Variants in DPP10 observed in about 807,000 individuals in gnomAD.
DPP10 encodes inactive dipeptidyl peptidase 10.
A neutral mutation model predicts 120.9 loss-of-function variants in DPP10; 33 were observed. The observed-to-expected ratio is 0.27, with a 90% confidence interval of 0.21 to 0.37. The LOEUF is 0.37. Among genes scored for constraint, DPP10 ranks in the 10% least tolerant of loss-of-function variants. The pLI, the probability that DPP10 is intolerant of heterozygous loss-of-function variation, is 1.00. For synonymous variants in DPP10, 337 were observed against 326.1 expected (o/e 1.03, Z -0.36); for missense variants, 816 against 942.8 (o/e 0.87, Z 1.76).
intron 1 of DPP10, among the ~76,000 whole-genome samples, chr2:114,732,813 A>G (rs1213385443): frequency 1.3e-5 from 2 of 152,166 alleles, no homozygotes. Context: ...TTTAATTTTT[A>G]TAATGATGCT....
chr2:115,602,229 G>A (rs1048420222), intron 5 of DPP10, among the ~76,000 whole-genome samples: 1 of 152,114 alleles, frequency 6.6e-6, no homozygotes, highest in Non-Finnish European at 1.5e-5. Context: ...TGTTTCCAGA[G>A]ATCAAAGAAC....
At chr2:114,466,761 TGGCAG>T (rs960500822) in intron 1 of DPP10, among the ~76,000 whole-genome samples, 3 of 152,136 alleles carry the variant, frequency 2.0e-5, no homozygotes, top group Non-Finnish European at 4.4e-5. Context: ...AAGTAACCCT[TGGCAG>T]GGCGCGATGG....
intron 1 of DPP10, among the ~76,000 whole-genome samples, chr2:114,477,859 ATGTATATATGTACATATATG>A (rs1198567665): frequency 9.4e-5 from 7 of 74,586 alleles, no homozygotes; most frequent in South Asian, 7.4e-4. Context: ...GTATAAATAT[ATGTATATATGTACATATATG>A]TGTATATATG....
rs549275175 is a variant in DPP10 at position 114,485,789 on chromosome 2, A to G, written c.60+42951A>G. Among the ~76,000 whole-genome samples, 13 of 152,024 alleles carry G rather than the reference A, an allele frequency of 8.6e-5. No homozygotes were observed. The East Asian group carries it at 2.3e-3, about 27-fold the overall frequency. On this transcript the variant is annotated intron_variant, in intron 1 of 25. Coordinates refer to ENST00000410059, the MANE Select transcript of DPP10 (RefSeq NM_020868.6). ...CTTGCATTACTAAACTCTCAATCCT[A>G]CGTGCCTGACCAAAGAGCTGATCAT...
intron 3 of DPP10, among the ~76,000 whole-genome samples, chr2:115,387,114 A>T (rs1191018947): frequency 6.6e-6 from 1 of 152,070 alleles, no homozygotes; most frequent in African/African-American, 2.4e-5. Context: ...TGTGGTGCTT[A>T]TGAACATTTT....
At chr2:114,502,590 A>G (rs988337356) in intron 1 of DPP10, among the ~76,000 whole-genome samples, 78 of 152,224 alleles carry the variant, frequency 5.1e-4, no homozygotes, top group African/African-American at 1.6e-3. Context: ...TAAGTAACCT[A>G]TGTTTTGAGC....
intron 1 of DPP10, among the ~76,000 whole-genome samples, chr2:114,494,644 G>A (rs190402469): frequency 6.6e-6 from 1 of 152,298 alleles, no homozygotes; most frequent in Non-Finnish European, 1.5e-5. Context: ...TCTGTAAAGA[G>A]ACAATGGGAC....
At chr2:115,271,027 T>C (rs1423048259) in intron 1 of DPP10, among the ~76,000 whole-genome samples, 1 of 152,222 alleles carries the variant, frequency 6.6e-6, no homozygotes, top group Admixed American at 6.5e-5. Flanking sequence ...TCAAAACTAG[T>C]TCAACCTACT....
chr2:114,614,264 A>T (rs1253255884), intron 1 of DPP10, among the ~76,000 whole-genome samples: 1 of 152,194 alleles, frequency 6.6e-6, no homozygotes, highest in Non-Finnish European at 1.5e-5. Context: ...TTATGCATCT[A>T]GGATAAACTT....
At chr2:115,812,605 T>C (rs76348991) in intron 19 of DPP10, among the ~76,000 whole-genome samples, 2,615 of 152,222 alleles carry the variant, frequency 0.017, 82 homozygotes, top group African/African-American at 0.059. Context: ...TTGCATAAAT[T>C]AAAATACATT....
At chr2:115,057,766 C>G (rs1289460990) in intron 1 of DPP10, among the ~76,000 whole-genome samples, 1 of 152,100 alleles carries the variant, frequency 6.6e-6, no homozygotes, top group Non-Finnish European at 1.5e-5. Context: ...AAATAAGAAT[C>G]ATAGAATTTA....
At chr2:114,974,609 A>G (rs1461413869) in intron 1 of DPP10, among the ~76,000 whole-genome samples, 3 of 151,778 alleles carry the variant, frequency 2.0e-5, no homozygotes, top group Admixed American at 6.6e-5. Flanking sequence ...GGGTTTCCCT[A>G]TGTTGGCCAG....
intron 7 of DPP10, 24 bp downstream of exon 7, chr2:115,689,945 C>T (rs2091220079): frequency 1.3e-6 from 2 of 1,594,788 alleles, no homozygotes; most frequent in Non-Finnish European, 8.5e-7. Context: ...TTGGTATGCA[C>T]TGAACACTGC....
At chr2:115,516,703 T>C (rs1490415303) in intron 4 of DPP10, among the ~76,000 whole-genome samples, 3 of 151,882 alleles carry the variant, frequency 2.0e-5, no homozygotes, top group African/African-American at 7.2e-5. Context: ...TGGAGATATT[T>C]TAGCATACCA....
intron 1 of DPP10, among the ~76,000 whole-genome samples, chr2:115,127,782 CTG>C (rs2050151142): frequency 6.6e-6 from 1 of 152,180 alleles, no homozygotes; most frequent in Non-Finnish European, 1.5e-5. Context: ...TCTACAGCCA[CTG>C]TGACTGTCAT....
intron 4 of DPP10, among the ~76,000 whole-genome samples, chr2:115,508,835 G>A (rs766973208): frequency 8.5e-5 from 13 of 152,280 alleles, no homozygotes; most frequent in Admixed American, 1.3e-4. Flanking sequence ...CTTGGGAGGC[G>A]GAGGTTGCAG....
At chr2:115,042,563 G>A (rs1704739468) in intron 1 of DPP10, among the ~76,000 whole-genome samples, 1 of 152,216 alleles carries the variant, frequency 6.6e-6, no homozygotes, top group Admixed American at 6.5e-5. Context: ...ACCACACTTG[G>A]CCTAATATTT....
At chr2:115,186,488 G>A (rs1395268366) in intron 1 of DPP10, among the ~76,000 whole-genome samples, 1 of 152,152 alleles carries the variant, frequency 6.6e-6, no homozygotes, top group Non-Finnish European at 1.5e-5. Flanking sequence ...GCTTTGCTTA[G>A]CTTATCCTTG....
At chr2:115,785,528 G>A (rs1313754341) in intron 17 of DPP10, among the ~76,000 whole-genome samples, 1 of 152,084 alleles carries the variant, frequency 6.6e-6, no homozygotes, top group Non-Finnish European at 1.5e-5. Context: ...TTATCGGTCT[G>A]TTCAGGGTTT....
Sources: gnomAD v4.1 joint callset for allele counts (sites outside exome capture counted in the v4.1 genomes callset) on GRCh38, gnomAD v4.1.1 for gene constraint, MANE v1.5 for transcripts, NCBI Gene and HGNC (gene_info 2026-07-23, HGNC 2026-07-21) for gene names.